ATP6V0A2: variants seen among roughly 807,000 people sequenced by gnomAD.
ATP6V0A2 encodes V-type proton ATPase 116 kDa subunit a 2.
A neutral mutation model predicts 104.4 loss-of-function variants in ATP6V0A2; 58 were observed. The observed-to-expected ratio is 0.56, with a 90% CI of 0.45 to 0.69. The LOEUF is 0.69. ATP6V0A2 is among the 30% of genes least tolerant of loss of function. ATP6V0A2 has a pLI of 0.00. For synonymous variants in ATP6V0A2, 376 were observed against 397.9 expected (o/e 0.95, Z 0.65); for missense variants, 938 against 1,062.9 (o/e 0.88, Z 1.63).
At chr12:123,721,038 C>T (rs1956394325) in intron 2 of ATP6V0A2, among the ~76,000 whole-genome samples, 1 of 152,042 alleles carries the variant, frequency 6.6e-6, no homozygotes, top group Non-Finnish European at 1.5e-5. Context: ...CTCTGTAAAC[C>T]AGTTAGTAAC....
At position 123,751,112 on chromosome 12, in the gene ATP6V0A2, G is replaced by T. The variant is rs1249075329; in HGVS notation, c.1938G>T (p.Glu646Asp). 6.2e-7 allele frequency: 1 copy of T among 1,614,034 alleles called. No homozygotes were observed. Among genetic ancestry groups the T allele is most frequent in the East Asian group, 2.2e-5 (1 of 44,880 alleles). ...TTTCTCACCTTCTGCACTAACAGGA[G>T]TATGTCCAGAGAGTGCTGCTGGTTG... ...SKTSGLYTGQ[E>D]YVQRVLLVVT... Residue 646 changes from glutamate (E) to aspartate (D), a missense_variant and splice_region_variant, in exon 16 of 20, where the codon GAG (glutamate) becomes GAT (aspartate). Transcript: ENST00000330342.
intron 17 of ATP6V0A2, among the ~76,000 whole-genome samples, chr12:123,752,742 C>T (rs1460754812): frequency 6.6e-6 from 1 of 152,106 alleles, no homozygotes; most frequent in Non-Finnish European, 1.5e-5. Context: ...AAATAGAGAC[C>T]CAGTTTTTTC....
chr12:123,723,539 C>G (rs1205846497), intron 3 of ATP6V0A2: 1 of 151,130 alleles, frequency 6.6e-6, no homozygotes, highest in African/African-American at 2.4e-5. Context: ...CGGCTCACTG[C>G]AGCCTGTGCC....
chr12:123,727,876 A>C lies in ATP6V0A2; in HGVS notation c.615A>C (p.Ala205=). 2 of 1,614,248 alleles carry C rather than the reference A, an allele frequency of 1.2e-6. No individual in the cohort carries two copies. The highest frequency in any genetic ancestry group is 2.2e-5 in the South Asian group (2 of 91,090). Residue 205 remains alanine, a synonymous_variant, in exon 6 of 20, where the codon GCA becomes GCC. Transcript: ENST00000330342. ...VCKGYTIVSY[A]ELDESLEDPE... ...AAGGGTACACCATCGTGTCCTATGC[A>C]GAACTGGATGAATCCCTTGAAGACC...
At position 123,734,011 on chromosome 12, in the gene ATP6V0A2, A is replaced by T. The variant is rs1165987226; in HGVS notation, c.731+3A>T. ...AAGGTTAAGAAGATATGTGATTGGT[A>T]AGAAAAAGAAACATTTCATTTCATT... On this transcript the variant is annotated splice_donor_region_variant and intron_variant, in intron 7 of 19. Transcript: ENST00000330342. 6.2e-7 allele frequency: 1 copy of T among 1,606,704 alleles called. No individual in the cohort carries two copies. The highest frequency in any genetic ancestry group is 8.5e-7 in the Non-Finnish European group (1 of 1,173,838).
chr12:123,750,951 A>T, intron 15 of ATP6V0A2, 159 bp from the exon 16 acceptor site: 2 of 882,968 alleles, frequency 2.3e-6, no homozygotes, highest in Non-Finnish European at 3.7e-6. Flanking sequence ...CTATGAGTTT[A>T]GGAAAAGAAA....
At chr12:123,715,756 G>C (rs1370910799) in intron 1 of ATP6V0A2, among the ~76,000 whole-genome samples, 1 of 152,136 alleles carries the variant, frequency 6.6e-6, no homozygotes, top group Non-Finnish European at 1.5e-5. Context: ...TGGACAATCA[G>C]CATTTCTCTA....
chr12:123,742,104 T>C (rs1956615302), intron 9 of ATP6V0A2, among the ~76,000 whole-genome samples: 1 of 152,208 alleles, frequency 6.6e-6, no homozygotes. Flanking sequence ...GTCAGTGCCG[T>C]GAGTTTAGGG....
chr12:123,743,609 C>T (rs561743248), intron 9 of ATP6V0A2, among the ~76,000 whole-genome samples, 176 bp from the exon 10 acceptor site: 2 of 152,142 alleles, frequency 1.3e-5, no homozygotes, highest in African/African-American at 4.8e-5. Flanking sequence ...GCCGAGATCA[C>T]ACCATTGCAC....
intron 9 of ATP6V0A2, 86 bp from the exon 10 acceptor site, chr12:123,743,699 C>T: frequency 6.6e-7 from 1 of 1,512,072 alleles, no homozygotes; most frequent in Non-Finnish European, 9.2e-7. Flanking sequence ...AACCAAAAAA[C>T]AAAGCAGTAA....
intron 19 of ATP6V0A2, 88 bp from the exon 20 acceptor site, chr12:123,757,839 A>G: frequency 1.2e-6 from 1 of 863,828 alleles, no homozygotes; most frequent in Non-Finnish European, 1.8e-6. Flanking sequence ...ATTTCAGCAC[A>G]GGAATTTTTT....
Position 123,760,316 on chromosome 12 carries a change from C to A in ATP6V0A2, c.*2284C>A, listed in dbSNP as rs1034437405. 3.3e-5 allele frequency: 5 copies of A among 152,140 alleles called. No homozygotes were observed. Among genetic ancestry groups the A allele is most frequent in the Admixed American group, 3.3e-4 (5 of 15,278 alleles). The allele number at this position is 152,140 out of a possible 1,614,324, so 9.4% of individuals were successfully genotyped here. A position where few individuals can be genotyped will look rare whatever the true frequency, so the allele number is the denominator to read the frequency against. ...ATGTAGAATGTCATTATATGAAAAG[C>A]GAATTCAGAATCCTAACTCTGGGAA... On this transcript the variant is annotated 3_prime_UTR_variant, in exon 20 of 20. Transcript: ENST00000330342.
intron 13 of ATP6V0A2, among the ~76,000 whole-genome samples, chr12:123,745,898 G>A (rs544824618): frequency 6.6e-6 from 1 of 152,226 alleles, no homozygotes; most frequent in African/African-American, 2.4e-5. Flanking sequence ...GTTTGTGGAT[G>A]TAATTGTGTA....
chr12:123,735,535 C>T lies in ATP6V0A2; in HGVS notation c.736C>T (p.His246Tyr). Residue 246 changes from histidine (H) to tyrosine (Y), a missense_variant, in exon 8 of 20, where the codon CAC becomes TAC. Transcript: ENST00000330342. Reference sequence around the variant, plus strand: ...TGTTCAACTCTTGTCTTCCAGCTACCACTGCCACGTGTACCCCTATCCAAA... The same window carrying T: ...TGTTCAACTCTTGTCTTCCAGCTACTACTGCCACGTGTACCCCTATCCAAA... ...HKVKKICDCY[H>Y]CHVYPYPNTA... is the part of the protein sequence containing the mutation. 6.2e-7 allele frequency: 1 copy of T among 1,613,844 alleles called. No individual in the cohort carries two copies. Among genetic ancestry groups the T allele is most frequent in the Non-Finnish European group, 8.5e-7 (1 of 1,179,808 alleles).
intron 6 of ATP6V0A2, among the ~76,000 whole-genome samples, chr12:123,728,186 C>T (rs548475503): frequency 1.3e-5 from 2 of 152,310 alleles, no homozygotes; most frequent in South Asian, 2.1e-4. Flanking sequence ...CTAGTATGGT[C>T]AAAGCAAAGA....
chr12:123,723,038 A>G (rs1453636356), intron 3 of ATP6V0A2, among the ~76,000 whole-genome samples: 3 of 152,254 alleles, frequency 2.0e-5, no homozygotes, highest in South Asian at 2.1e-4. Context: ...TCCTCGGTGA[A>G]TTCGTTCCTC....
intron 4 of ATP6V0A2, among the ~76,000 whole-genome samples, chr12:123,725,906 C>T (rs1956444445): frequency 6.6e-6 from 1 of 151,988 alleles, no homozygotes; most frequent in South Asian, 2.1e-4. Context: ...CTTAGTTTCA[C>T]TTGATATGAT....
intron 6 of ATP6V0A2, among the ~76,000 whole-genome samples, chr12:123,729,027 G>A (rs1956475263): frequency 6.6e-6 from 1 of 152,100 alleles, no homozygotes; most frequent in South Asian, 2.1e-4. Context: ...AGACTTCGCT[G>A]TGAAGTTACT....
At position 123,726,276 on chromosome 12, in the gene ATP6V0A2, C is replaced by T. The variant is rs1208175591; in HGVS notation, c.512C>T (p.Ala171Val). Residue 171 changes from alanine (A) to valine (V), a missense_variant, in exon 5 of 20, where the codon GCA becomes GTA. Coordinates refer to ENST00000330342, the MANE Select transcript of ATP6V0A2 (RefSeq NM_012463.4). The part of the protein sequence containing the change: ...LDYSCMQRLG[A>V]KLGFVSGLIN... ...TACAGCTGTATGCAGAGGCTGGGAGCAAAACTGGGGTAGGTGACAAGGCCT... is the reference window on the plus strand; with the variant it reads ...TACAGCTGTATGCAGAGGCTGGGAGTAAAACTGGGGTAGGTGACAAGGCCT... 4 of 1,613,404 alleles carry T rather than the reference C, an allele frequency of 2.5e-6. No homozygotes were observed. Among genetic ancestry groups the T allele is most frequent in the Admixed American group, 1.7e-5 (1 of 60,018 alleles).
Sources: gnomAD v4.1 joint callset for allele counts (sites outside exome capture counted in the v4.1 genomes callset) on GRCh38, gnomAD v4.1.1 for gene constraint, MANE v1.5 for transcripts, NCBI Gene and HGNC (gene_info 2026-07-23, HGNC 2026-07-21) for gene names.